The following CELF2 variants were observed in gnomAD, a reference collection of about 807,000 sequenced individuals.
CELF2 encodes the protein CUGBP Elav-like family member 2, also known as CUG triplet repeat RNA-binding protein 2.
In CELF2, 8 loss-of-function variants were observed where a neutral mutation model predicts 62.6. That is an observed-to-expected ratio of 0.13 (90% CI 0.07 to 0.23). The LOEUF is 0.23. Among genes scored for constraint, CELF2 ranks in the 10% least tolerant of loss-of-function variants. CELF2 has a pLI of 1.00. For missense variants in CELF2, 333 were observed against 671.0 expected (o/e 0.50, Z 5.56); for synonymous variants, 258 against 250.0 (o/e 1.03, Z -0.30).
At position 11,058,468 on chromosome 10, in the gene CELF2, T is replaced by TG. The variant is rs1179460894; in HGVS notation, c.74+40305_74+40306insG. ...TGTTGGTTTTTTTTGTTGGTTTTTT[T>TG]TTTTTTTTTTTTTTTTGTGATGGAG... is the stretch of plus-strand genomic sequence containing the variant. On this transcript the variant is annotated intron_variant, in intron 1 of 12. Transcript: ENST00000633077. Among the ~76,000 whole-genome samples the TG allele has an allele frequency of 5.3e-4, 76 of 143,550 alleles. 4 individuals carry two copies. Among genetic ancestry groups the TG allele is most frequent in the South Asian group, 6.9e-4 (3 of 4,324 alleles). 94.2% of individuals were successfully genotyped at this position (143,550 alleles called of 152,430 possible).
At chr10:10,874,952 G>A (rs1001879119) in intron 1 of CELF2, among the ~76,000 whole-genome samples, 2 of 152,172 alleles carry the variant, frequency 1.3e-5, no homozygotes, top group African/African-American at 4.8e-5. Context: ...AAATATAAAT[G>A]TAAACTAGAT....
At chr10:11,003,422 A>G (rs2054720376), upstream of CELF2, among the ~76,000 whole-genome samples, 1 of 152,198 alleles carries the variant, frequency 6.6e-6, no homozygotes, top group Non-Finnish European at 1.5e-5. The surrounding 1 kb of genome is among the most constrained non-coding windows in gnomAD (Gnocchi z 4.4). Context: ...AATATGCAAA[A>G]AGGGCTTTGT....
the CELF2 span, among the ~76,000 whole-genome samples, chr10:10,644,518 C>A: frequency 1.6e-3 from 237 of 152,090 alleles, no homozygotes; most frequent in African/African-American, 5.4e-3. Flanking sequence ...CCAGCAGGCA[C>A]GTCACACTGA....
At chr10:10,832,568 G>A (rs748721090) in intron 1 of CELF2, among the ~76,000 whole-genome samples, 5 of 152,188 alleles carry the variant, frequency 3.3e-5, no homozygotes, top group African/African-American at 7.2e-5. Context: ...TAACCCTTTC[G>A]AAGAGTGATG....
At chr10:10,688,250 C>G in the CELF2 span, among the ~76,000 whole-genome samples, 15 of 152,306 alleles carry the variant, frequency 9.8e-5, no homozygotes, top group African/African-American at 3.6e-4. Flanking sequence ...ATCAGTATAT[C>G]TCACGTTGCA....
the CELF2 span, among the ~76,000 whole-genome samples, chr10:10,623,545 C>T: frequency 0.037 from 5,565 of 152,250 alleles, 250 homozygotes; most frequent in East Asian, 0.27. Flanking sequence ...CCCAAAGCCA[C>T]TGCAGCAGGA....
chr10:11,019,589 C>T (rs2057966868), intron 1 of CELF2, among the ~76,000 whole-genome samples: 1 of 147,856 alleles, frequency 6.8e-6, no homozygotes, highest in South Asian at 2.1e-4. Flanking sequence ...AGGACCTCCC[C>T]ACCAAAAAAA....
At chr10:11,313,416 A>T (rs1291601276) in intron 9 of CELF2, among the ~76,000 whole-genome samples, 1 of 152,276 alleles carries the variant, frequency 6.6e-6, no homozygotes, top group Non-Finnish European at 1.5e-5. Flanking sequence ...TTAGAAGTTT[A>T]TTGAAGATAT....
chr10:11,133,598 G>A (rs1169735655), intron 1 of CELF2, among the ~76,000 whole-genome samples: 3 of 152,096 alleles, frequency 2.0e-5, no homozygotes, highest in Non-Finnish European at 4.4e-5. Flanking sequence ...AAACAAAGGG[G>A]AAATAATACA....
At chr10:11,325,069 G>T (rs1008276191) in intron 11 of CELF2, among the ~76,000 whole-genome samples, 1 of 152,190 alleles carries the variant, frequency 6.6e-6, no homozygotes, top group Non-Finnish European at 1.5e-5. Context: ...TTAGGAGCAC[G>T]CACCTCTCCA....
chr10:10,831,895 C>T (rs192156227), intron 1 of CELF2, among the ~76,000 whole-genome samples: 8 of 152,116 alleles, frequency 5.3e-5, no homozygotes, highest in African/African-American at 1.7e-4. Flanking sequence ...TCACTTGGAC[C>T]CGGGAGGCGG....
chr10:10,466,865 G>A, the CELF2 span, among the ~76,000 whole-genome samples: 1 of 151,968 alleles, frequency 6.6e-6, no homozygotes, highest in African/African-American at 2.4e-5. Context: ...CTAATATTTT[G>A]TCCAATTTTT....
chr10:10,938,334 C>T lies in CELF2; in HGVS notation c.89+18335C>T, dbSNP rs115637612. 3.1e-3 allele frequency among the ~76,000 whole-genome samples: 471 copies of T among 152,260 alleles called. 2 individuals are homozygous for T. Among genetic ancestry groups the T allele is most frequent in the African/African-American group, 0.011 (450 of 41,536 alleles). ...CTGAACAGAGCAGCCAGTCCAAAGACCCAAATACCAAAGGATTATCTTTAA... is the reference window on the plus strand; with the variant it reads ...CTGAACAGAGCAGCCAGTCCAAAGATCCAAATACCAAAGGATTATCTTTAA... On this transcript the variant is annotated intron_variant, in intron 2 of 13. Coordinates refer to the CELF2 transcript ENST00000636488. This position sits in a 1 kb window ranked among gnomAD's most constrained non-coding sequence, Gnocchi z 4.2.
At chr10:10,825,403 G>A (rs540942311) in intron 1 of CELF2, among the ~76,000 whole-genome samples, 10 of 152,080 alleles carry the variant, frequency 6.6e-5, no homozygotes, top group South Asian at 2.1e-4. Flanking sequence ...GTAGAGACGG[G>A]GTTTCACTGT....
chr10:10,661,749 G>A, the CELF2 span, among the ~76,000 whole-genome samples: 1 of 152,200 alleles, frequency 6.6e-6, no homozygotes, highest in Non-Finnish European at 1.5e-5. Context: ...GAATTCTTAT[G>A]CAAGGAGTGA....
chr10:10,532,307 A>G, the CELF2 span, among the ~76,000 whole-genome samples: 1 of 152,258 alleles, frequency 6.6e-6, no homozygotes, highest in African/African-American at 2.4e-5. Flanking sequence ...GTTTGAAAAC[A>G]TATCAGCAGA....
Position 11,296,604 on chromosome 10 carries a change from T to C in CELF2, c.976+8052T>C, listed in dbSNP as rs2093209883. 1.3e-5 allele frequency among the ~76,000 whole-genome samples: 2 copies of C among 152,140 alleles called. No individual in the cohort carries two copies. The highest frequency in any genetic ancestry group is 3.9e-4 in the East Asian group (2 of 5,170). On this transcript the variant is annotated intron_variant, in intron 9 of 12. Coordinates refer to ENST00000633077, the MANE Select transcript of CELF2 (RefSeq NM_001326342.2). The surrounding 1 kb of genome is among the most constrained non-coding windows in gnomAD (Gnocchi z 5.0). ...TTCTTCAGACTTGAAAGCAATAAAA[T>C]GGAAATTTTTAGTTCAGATGTGGTT...
At chr10:10,466,859 T>C in the CELF2 span, among the ~76,000 whole-genome samples, 2 of 152,086 alleles carry the variant, frequency 1.3e-5, no homozygotes, top group Non-Finnish European at 2.9e-5. Flanking sequence ...TCTGTTCTAA[T>C]ATTTTGTCCA....
chr10:11,003,190 G>A (rs531890187), upstream of CELF2, among the ~76,000 whole-genome samples: 6 of 152,264 alleles, frequency 3.9e-5, no homozygotes, highest in South Asian at 4.1e-4. This position sits in a 1 kb window ranked among gnomAD's most constrained non-coding sequence, Gnocchi z 4.4. Flanking sequence ...ATTTACATCC[G>A]TAGACTAAAA....
Sources: gnomAD v4.1 joint callset for allele counts (sites outside exome capture counted in the v4.1 genomes callset) on GRCh38, gnomAD v4.1.1 for gene constraint, Gnocchi (gnomAD v3.1) non-coding constraint, MANE v1.5 for transcripts, NCBI Gene and HGNC (gene_info 2026-07-23, HGNC 2026-07-21) for gene names.